PUDP: variants seen among roughly 807,000 people sequenced by gnomAD.
PUDP encodes pseudouridine 5'-phosphatase.
PUDP carries 8 observed loss-of-function variants against 9.4 expected under a neutral mutation model. The observed-to-expected ratio is 0.85, with a 90% confidence interval of 0.50 to 1.53. The LOEUF is 1.53. Ranked by LOEUF, PUDP falls within the 40% of genes most tolerant of loss-of-function variation. PUDP has a pLI of 0.00. For missense variants in PUDP, 188 were observed against 189.7 expected (o/e 0.99, Z 0.05); for synonymous variants, 99 against 80.7 (o/e 1.23, Z -1.22).
At chrX:6,949,479 T>C (rs1333138684) in intron 3 of PUDP, among the ~76,000 whole-genome samples, 1 of 111,314 alleles carries the variant, frequency 9.0e-6, no homozygotes, top group East Asian at 2.8e-4. Context: ...AACCAAAGGG[T>C]CTGCTTTTCT....
chrX:6,966,545 A>ATTTT lies in PUDP; in HGVS notation c.*247+10584_*247+10587dup, dbSNP rs748670894. On this transcript the variant is annotated intron_variant and NMD_transcript_variant, in intron 3 of 3. Transcript: ENST00000655425. ...GTCCTTTAGACTGGATCGCCTTCATATTTTTTTTTTTTTTTTTTTAGAGAC... is the reference window on the plus strand; with the variant it reads ...GTCCTTTAGACTGGATCGCCTTCATATTTTTTTTTTTTTTTTTTTTTTTAGAGAC... 2.6e-3 allele frequency among the ~76,000 whole-genome samples: 233 copies of ATTTT among 89,607 alleles called. 4 individuals are homozygous for ATTTT. In the East Asian group the frequency reaches 0.043, roughly 17 times the overall value. The allele number at this position is 89,607 out of a possible 115,157, so 77.8% of individuals were successfully genotyped here. A position where few individuals can be genotyped will look rare whatever the true frequency, so the allele number is the denominator to read the frequency against.
intron 1 of PUDP, among the ~76,000 whole-genome samples, chrX:7,033,003 T>G (rs1929810982): frequency 9.0e-6 from 1 of 111,611 alleles, no homozygotes; most frequent in South Asian, 3.8e-4. Flanking sequence ...AGGCAGCCTC[T>G]TCCTCAATTT....
At chrX:7,011,394 CTG>C (rs887829218) in intron 1 of PUDP, among the ~76,000 whole-genome samples, 4 of 111,734 alleles carry the variant, frequency 3.6e-5, no homozygotes, top group Non-Finnish European at 7.5e-5. Flanking sequence ...CATTTGTACA[CTG>C]TGTCTGGTAG....
chrX:6,933,831 G>A (rs1426056107), intron 3 of PUDP, among the ~76,000 whole-genome samples: 2 of 111,820 alleles, frequency 1.8e-5, no homozygotes, highest in African/African-American at 6.5e-5. Flanking sequence ...ACTAGGTGAA[G>A]AATGCAGAAG....
At chrX:6,993,523 C>T (rs933358981) in intron 1 of PUDP, among the ~76,000 whole-genome samples, 2 of 111,208 alleles carry the variant, frequency 1.8e-5, no homozygotes, top group Non-Finnish European at 3.8e-5. Flanking sequence ...CAGAGGAAGT[C>T]CAGAGTCCTC....
At chrX:6,869,311 C>A (rs1245290291) in intron 3 of PUDP, among the ~76,000 whole-genome samples, 1 of 111,963 alleles carries the variant, frequency 8.9e-6, no homozygotes, top group East Asian at 2.8e-4. Flanking sequence ...GTTTGTCCTG[C>A]TCCATGATGT....
rs57612819 is a variant in PUDP at position 7,142,641 on chromosome X, ATTTTTT to A, written c.61+5406_61+5411del. On this transcript the variant is annotated intron_variant, in intron 1 of 3. Coordinates refer to ENST00000381077, the MANE Select transcript of PUDP (RefSeq NM_012080.5). ...AGCAGCAGAGTTTGAGAGGACTCCA[ATTTTTT>A]TTTTTTTTTTTTTTTGAGACAGAGT... 3.7e-5 allele frequency among the ~76,000 whole-genome samples: 3 copies of A among 80,929 alleles called. No individual in the cohort carries two copies. The South Asian group carries it at 2.1e-3, about 56-fold the overall frequency. The allele number at this position is 80,929 out of a possible 115,157, so 70.3% of individuals were successfully genotyped here.
intron 3 of PUDP, among the ~76,000 whole-genome samples, chrX:6,901,377 A>AG (rs1286511471): frequency 8.9e-6 from 1 of 112,372 alleles, no homozygotes; most frequent in Non-Finnish European, 1.9e-5. Context: ...AAACATCTAC[A>AG]GCCAACGATC....
At chrX:6,804,199 C>T (rs1302882680) in intron 3 of PUDP, among the ~76,000 whole-genome samples, 20 of 111,080 alleles carry the variant, frequency 1.8e-4, no homozygotes, top group Non-Finnish European at 3.0e-4. Context: ...TCCACCCACG[C>T]TGGAAATTAA....
intron 3 of PUDP, among the ~76,000 whole-genome samples, chrX:6,795,887 C>G (rs1018226778): frequency 4.5e-5 from 5 of 112,098 alleles, no homozygotes; most frequent in African/African-American, 1.6e-4. Flanking sequence ...TAATGATTCT[C>G]AGTCCTTCCA....
At chrX:6,940,391 C>G (rs1928382193) in intron 3 of PUDP, among the ~76,000 whole-genome samples, 4 of 112,327 alleles carry the variant, frequency 3.6e-5, no homozygotes, top group Admixed American at 2.8e-4. Context: ...ACTGCCTGAC[C>G]CCTAGTTTGA....
chrX:6,885,297 G>T (rs1332646713), intron 3 of PUDP, among the ~76,000 whole-genome samples: 1 of 111,878 alleles, frequency 8.9e-6, no homozygotes, highest in Non-Finnish European at 1.9e-5. Flanking sequence ...CACAATCAAG[G>T]TTACTTTTTA....
intron 3 of PUDP, among the ~76,000 whole-genome samples, chrX:6,928,732 C>A (rs1928143798): frequency 9.1e-6 from 1 of 110,321 alleles, no homozygotes; most frequent in Non-Finnish European, 1.9e-5. Context: ...CGGTCTCTAC[C>A]AATAAAACAA....
rs899555701 is a variant in PUDP, at chrX:6,876,505, AACATATAGACATAT to A, written c.*247+100614_*247+100627del. On this transcript the variant is annotated intron_variant and NMD_transcript_variant, in intron 3 of 3. Coordinates refer to the PUDP transcript ENST00000655425. ...ATACATATAGACACATATACACATA[AACATATAGACATAT>A]ACATATATATACACACATATATGTA... 1.4e-4 allele frequency among the ~76,000 whole-genome samples: 16 copies of A among 110,378 alleles called. 1 individual carries two copies.
chrX:6,723,672 A>AAAAACAAAACAAAACAAAACAAAAC (rs760206977), upstream of PUDP, among the ~76,000 whole-genome samples: 1 of 99,792 alleles, frequency 1.0e-5, no homozygotes, highest in African/African-American at 3.8e-5. Context: ...ACCCCACCAA[A>AAAAACAAAACAAAACAAAACAAAAC]AAAACAAAAC....
intron 1 of PUDP, among the ~76,000 whole-genome samples, chrX:6,984,359 T>C (rs902583509): frequency 3.6e-5 from 4 of 112,045 alleles, no homozygotes; most frequent in African/African-American, 9.7e-5. Flanking sequence ...CCTGTGAATA[T>C]ACTAAGAGGC....
intron 1 of PUDP, among the ~76,000 whole-genome samples, chrX:7,004,274 G>A (rs1050953307): frequency 7.6e-4 from 85 of 111,824 alleles, no homozygotes; most frequent in African/African-American, 2.6e-3. Context: ...GATTTAGATT[G>A]TCCAGAGTCA....
intron 3 of PUDP, among the ~76,000 whole-genome samples, chrX:6,869,889 C>T (rs1927147730): frequency 9.0e-6 from 1 of 111,417 alleles, no homozygotes; most frequent in Admixed American, 9.6e-5. Flanking sequence ...ATGATATGCT[C>T]TAGCAATTCT....
chrX:6,727,134 C>G (rs1049828773), intron 3 of PUDP, among the ~76,000 whole-genome samples: 10 of 110,176 alleles, frequency 9.1e-5, no homozygotes, highest in African/African-American at 3.3e-4. Flanking sequence ...TAATGGATGA[C>G]AAAATGAAAA....
Sources: allele counts gnomAD v4.1 joint callset (sites outside exome capture counted in the v4.1 genomes callset), GRCh38; gene constraint gnomAD v4.1.1; transcripts MANE v1.5; gene names NCBI Gene and HGNC (gene_info 2026-07-23, HGNC 2026-07-21).